Variants in ZNF718 observed in about 807,000 individuals in gnomAD.
ZNF718 encodes the protein zinc finger protein 718.
ZNF718 carries 3 observed loss-of-function variants against 2.6 expected under a neutral mutation model. The ratio of observed to expected loss-of-function variants is 1.16; its 90% CI spans 0.53 to 3.01. ZNF718 has a LOEUF of 3.01. Among genes scored for constraint, ZNF718 ranks in the 30% most tolerant of loss-of-function variants. ZNF718 has a pLI of 0.03. For synonymous variants in ZNF718, 135 were observed against 77.9 expected, an observed-to-expected ratio of 1.73 and a Z score of -3.86; for missense variants, 468 against 230.0, an observed-to-expected ratio of 2.03 and a Z score of -6.69.
At chr4:195,867 A>G (rs1717780383) in intron 3 of ZNF718, among the ~76,000 whole-genome samples, 2 of 152,196 alleles carry the variant, frequency 1.3e-5, no homozygotes, top group Admixed American at 6.5e-5. Context: ...ATTATCAATT[A>G]TAGGTTTTAA....
intron 3 of ZNF718, 95 bp from the exon 4 acceptor site, chr4:160,817 C>T (rs989935320): frequency 5.8e-5 from 38 of 653,410 alleles, no homozygotes; most frequent in Middle Eastern, 7.4e-4. Flanking sequence ...TCGGAAACTG[C>T]TGGAATTACT....
At chr4:186,374 GTTT>G (rs1553820488) in intron 3 of ZNF718, among the ~76,000 whole-genome samples, 2 of 152,092 alleles carry the variant, frequency 1.3e-5, no homozygotes, top group Non-Finnish European at 2.9e-5. Context: ...ATGGGCTTCT[GTTT>G]GTAGGTGGCC....
rs547690499 is a variant in ZNF718 at position 125,873 on chromosome 4, C to G, written c.3+1200C>G. On this transcript the variant is annotated intron_variant, in intron 1 of 3. Coordinates refer to ENST00000510175, the MANE Select transcript of ZNF718 (RefSeq NM_001039127.6). ...TGCTCCTACAGTTTTCTGCCAAAAG[C>G]ACACGCAGTGCCCAGAAGACTCCTG... 1.5e-4 allele frequency among the ~76,000 whole-genome samples: 23 copies of G among 152,366 alleles called. No homozygotes were observed. The South Asian group carries it at 2.3e-3, about 15-fold the overall frequency.
intron 3 of ZNF718, among the ~76,000 whole-genome samples, chr4:139,570 C>A (rs547436403): frequency 6.6e-6 from 1 of 152,238 alleles, no homozygotes; most frequent in Non-Finnish European, 1.5e-5. Flanking sequence ...TGAGCCCCTA[C>A]GCTTGGGCTT....
At chr4:154,204 A>G (rs1461014664) in intron 3 of ZNF718, among the ~76,000 whole-genome samples, 2 of 152,224 alleles carry the variant, frequency 1.3e-5, no homozygotes, top group Non-Finnish European at 2.9e-5. Flanking sequence ...TGGAACTGTG[A>G]GTCCATTAAA....
At chr4:152,528 A>G (rs533067960) in intron 3 of ZNF718, among the ~76,000 whole-genome samples, 1 of 150,894 alleles carries the variant, frequency 6.6e-6, no homozygotes, top group African/African-American at 2.4e-5. Flanking sequence ...CCCTTAATCC[A>G]TTCAACTCTG....
At chr4:142,819 G>A (rs1289928391) in intron 3 of ZNF718, among the ~76,000 whole-genome samples, 1 of 152,194 alleles carries the variant, frequency 6.6e-6, no homozygotes, top group East Asian at 1.9e-4. Flanking sequence ...GCTTAGTTAA[G>A]TAAGTAAACT....
intron 3 of ZNF718, among the ~76,000 whole-genome samples, chr4:133,437 A>G (rs1280350898): frequency 6.6e-6 from 1 of 152,008 alleles, no homozygotes; most frequent in African/African-American, 2.4e-5. Flanking sequence ...TAAGCTCTCA[A>G]TTATTACCTT....
chr4:197,472 A>G (rs782600490), intron 3 of ZNF718, among the ~76,000 whole-genome samples: 5 of 152,184 alleles, frequency 3.3e-5, no homozygotes, highest in Non-Finnish European at 7.3e-5. Flanking sequence ...ACTGCAAAAG[A>G]TAGAGAATTG....
At position 127,553 on chromosome 4, in the gene ZNF718, G is replaced by GC. The variant is rs1428693009; in HGVS notation, c.3+2883dup. On this transcript the variant is annotated intron_variant, in intron 1 of 3. Coordinates refer to ENST00000510175, the MANE Select transcript of ZNF718 (RefSeq NM_001039127.6). ...GCCCGCAAATGTGCATAGCTCACCA[G>GC]CCCTCCAAGACCTAAATGTGCAGTT... Among the ~76,000 whole-genome samples, 2 of 104,314 alleles carry GC rather than the reference G, an allele frequency of 1.9e-5. 1 individual carries two copies. Among genetic ancestry groups the GC allele is most frequent in the African/African-American group, 6.6e-5 (2 of 30,124 alleles). 68.4% of individuals were successfully genotyped at this position (104,314 alleles called of 152,430 possible). A position where few individuals can be genotyped will look rare whatever the true frequency, so the allele number is the denominator to read the frequency against.
At chr4:178,392 G>A (rs1291591529) in intron 3 of ZNF718, among the ~76,000 whole-genome samples, 1 of 151,964 alleles carries the variant, frequency 6.6e-6, no homozygotes, top group African/African-American at 2.4e-5. Flanking sequence ...TCTCACCTCA[G>A]CCTCCCAAAG....
intron 3 of ZNF718, among the ~76,000 whole-genome samples, chr4:169,290 A>C (rs1717167719): frequency 1.3e-5 from 2 of 152,178 alleles, no homozygotes; most frequent in Admixed American, 1.3e-4. Flanking sequence ...CGATTTTGGA[A>C]TAAGTGCAGT....
intron 3 of ZNF718, among the ~76,000 whole-genome samples, chr4:174,962 G>A (rs1205542560): frequency 1.3e-5 from 2 of 152,170 alleles, no homozygotes; most frequent in Non-Finnish European, 2.9e-5. Flanking sequence ...AGCAAATGAT[G>A]CCAGGAAAAC....
rs574302481 is a variant in ZNF718 at position 197,635 on chromosome 4, C to G, written c.227-3446C>G. On this transcript the variant is annotated intron_variant and NMD_transcript_variant, in intron 3 of 4. Transcript: ENST00000642529. ...GCTGCTACTCAGCTACAGAGCCTCA[C>G]TTTCTCAGCCTCACCTTTTTCTGCT... 3.3e-5 allele frequency among the ~76,000 whole-genome samples: 5 copies of G among 152,348 alleles called. 1 individual carries two copies. The South Asian group carries it at 1.0e-3, about 32-fold the overall frequency.
intron 3 of ZNF718, among the ~76,000 whole-genome samples, chr4:142,628 A>G (rs193164487): frequency 1.3e-5 from 2 of 152,238 alleles, no homozygotes; most frequent in African/African-American, 2.4e-5. Flanking sequence ...GATAGGCTCT[A>G]TAGCAAATTC....
chr4:163,751 T>G lies in ZNF718; in HGVS notation c.*1629T>G, dbSNP rs1463566683. 2.0e-5 allele frequency: 3 copies of G among 152,310 alleles called. No individual in the cohort carries two copies. The East Asian group carries it at 5.8e-4, about 29-fold the overall frequency. 9.4% of individuals were successfully genotyped at this position (152,310 alleles called of 1,614,324 possible). A position where few individuals can be genotyped will look rare whatever the true frequency, so the allele number is the denominator to read the frequency against. ...GTAAAAAATGGTAACAGTATACTTTTAGTAACATAGTTTAATGACATTTCT... is the reference window on the plus strand; with the variant it reads ...GTAAAAAATGGTAACAGTATACTTTGAGTAACATAGTTTAATGACATTTCT... On this transcript the variant is annotated 3_prime_UTR_variant, in exon 4 of 4. Coordinates refer to ENST00000510175, the MANE Select transcript of ZNF718 (RefSeq NM_001039127.6).
chr4:181,442 C>G (rs1271774289), intron 3 of ZNF718, among the ~76,000 whole-genome samples: 2 of 151,812 alleles, frequency 1.3e-5, no homozygotes, highest in Non-Finnish European at 2.9e-5. Flanking sequence ...GAGATATAAT[C>G]AATTTTTAAT....
rs568758270 is a variant in ZNF718, at chr4:126,829, CT to C, written c.3+2171del. On this transcript the variant is annotated intron_variant, in intron 1 of 3. Transcript: ENST00000510175. ...TTTTAGGATTGGAGATAATTTTTCT[CT>C]TTTTTTTTTTTTTTAAGACGGAGTC... Among the ~76,000 whole-genome samples, 280 of 141,540 alleles carry C rather than the reference CT, an allele frequency of 2.0e-3. 1 individual carries two copies. The highest frequency in any genetic ancestry group is 2.4e-3 in the African/African-American group (93 of 38,684). 92.9% of individuals were successfully genotyped at this position (141,540 alleles called of 152,430 possible). A position where few individuals can be genotyped will look rare whatever the true frequency, so the allele number is the denominator to read the frequency against.
chr4:156,714 TTCTG>T (rs1252214021), intron 3 of ZNF718, among the ~76,000 whole-genome samples: 4 of 152,218 alleles, frequency 2.6e-5, no homozygotes, highest in Non-Finnish European at 4.4e-5. Context: ...TTCATATAGT[TTCTG>T]TCTCTTTGTG....
Sources: gnomAD v4.1 joint callset for allele counts (sites outside exome capture counted in the v4.1 genomes callset) on GRCh38, gnomAD v4.1.1 for gene constraint, MANE v1.5 for transcripts, NCBI Gene and HGNC (gene_info 2026-07-23, HGNC 2026-07-21) for gene names.